C13orf46: variants seen among roughly 807,000 people sequenced by gnomAD.
C13orf46 encodes the protein chromosome 13 open reading frame 46.
intron 6 of C13orf46, among the ~76,000 whole-genome samples, chr13:113,957,814 CT>C (rs2052552370): frequency 7.0e-6 from 1 of 142,438 alleles, no homozygotes. Context: ...ATCAAGCACA[CT>C]GGTGGGTCTC....
At chr13:113,970,813 GAC>G (rs1219940536) in intron 1 of C13orf46, among the ~76,000 whole-genome samples, 4 of 152,180 alleles carry the variant, frequency 2.6e-5, no homozygotes, top group Admixed American at 2.0e-4. Flanking sequence ...ACCTTGATGT[GAC>G]AGAGGACAGG....
chr13:113,971,079 T>C (rs1171462964), intron 1 of C13orf46, among the ~76,000 whole-genome samples: 2 of 152,214 alleles, frequency 1.3e-5, no homozygotes, highest in Non-Finnish European at 2.9e-5. Flanking sequence ...CCCTAGGTGC[T>C]CAGGAGAGCC....
the C13orf46 span, among the ~76,000 whole-genome samples, chr13:113,933,814 C>T: frequency 4.6e-5 from 7 of 152,194 alleles, no homozygotes; most frequent in South Asian, 2.1e-4. Flanking sequence ...TCCTCAGCTT[C>T]CTACAATGCA....
At chr13:113,973,652 CGTT>C (rs2052732835) in intron 1 of C13orf46, among the ~76,000 whole-genome samples, 153 bp downstream of exon 1, 1 of 152,224 alleles carries the variant, frequency 6.6e-6, no homozygotes, top group Admixed American at 6.5e-5. Context: ...GGACACACGT[CGTT>C]GGACCTCCTG....
At chr13:113,929,693 C>T in the C13orf46 span, among the ~76,000 whole-genome samples, 1 of 152,172 alleles carries the variant, frequency 6.6e-6, no homozygotes, top group African/African-American at 2.4e-5. Context: ...CCTGGGTGAC[C>T]CGCTGTGCCA....
the C13orf46 span, among the ~76,000 whole-genome samples, chr13:113,941,495 C>T: frequency 6.6e-6 from 1 of 150,472 alleles, no homozygotes; most frequent in South Asian, 2.1e-4. Flanking sequence ...TGAGGCTGAG[C>T]GTTCGAGACC....
chr13:113,972,417 C>A (rs548331161), intron 1 of C13orf46, among the ~76,000 whole-genome samples: 26 of 152,296 alleles, frequency 1.7e-4, no homozygotes, highest in African/African-American at 5.3e-4. Flanking sequence ...GCAAGCAAAC[C>A]CCGAGTCCTA....
intron 6 of C13orf46, among the ~76,000 whole-genome samples, chr13:113,957,928 C>T (rs2052554086): frequency 7.0e-6 from 1 of 142,882 alleles, no homozygotes; most frequent in Non-Finnish European, 1.5e-5. Flanking sequence ...CTCCCCTGCA[C>T]TCTGTATGCA....
chr13:113,936,759 T>G, the C13orf46 span, among the ~76,000 whole-genome samples: 2 of 151,918 alleles, frequency 1.3e-5, no homozygotes, highest in African/African-American at 2.4e-5. Flanking sequence ...AAATGGTCCT[T>G]GTGCCCCGAG....
At chr13:113,945,671 A>G in the C13orf46 span, among the ~76,000 whole-genome samples, 1 of 134,190 alleles carries the variant, frequency 7.5e-6, no homozygotes, top group East Asian at 2.2e-4. Flanking sequence ...AAAGAAAGAA[A>G]GGAAAGAAAA....
At chr13:113,971,262 A>G (rs902927011) in intron 1 of C13orf46, among the ~76,000 whole-genome samples, 1 of 152,238 alleles carries the variant, frequency 6.6e-6, no homozygotes, top group Admixed American at 6.5e-5. Flanking sequence ...TTGTGATGGA[A>G]GAGACCAGAC....
At chr13:113,938,244 A>G in the C13orf46 span, among the ~76,000 whole-genome samples, 1 of 152,224 alleles carries the variant, frequency 6.6e-6, no homozygotes, top group Non-Finnish European at 1.5e-5. Flanking sequence ...TAGTGAGTCT[A>G]TGAGGTTCCT....
chr13:113,945,213 G>C, the C13orf46 span, among the ~76,000 whole-genome samples: 1 of 152,150 alleles, frequency 6.6e-6, no homozygotes. Flanking sequence ...ATCTTCCCGG[G>C]AACAGCAGGC....
the C13orf46 span, among the ~76,000 whole-genome samples, chr13:113,931,487 C>T: frequency 6.6e-6 from 1 of 152,208 alleles, no homozygotes; most frequent in Non-Finnish European, 1.5e-5. Context: ...ACACCCCTCC[C>T]TTGGCGGGGA....
At chr13:113,951,018 C>G (rs1250548211), downstream of C13orf46, among the ~76,000 whole-genome samples, 1 of 152,222 alleles carries the variant, frequency 6.6e-6, no homozygotes, top group African/African-American at 2.4e-5. Flanking sequence ...GGGAAGGACA[C>G]AGGGGAATTT....
At chr13:113,967,860 G>T (rs2052665454) in intron 4 of C13orf46, among the ~76,000 whole-genome samples, 1 of 152,216 alleles carries the variant, frequency 6.6e-6, no homozygotes, top group African/African-American at 2.4e-5. Flanking sequence ...CCCGGGATGT[G>T]AACGGCTTCA....
the C13orf46 span, among the ~76,000 whole-genome samples, chr13:113,934,991 G>T: frequency 6.6e-6 from 1 of 152,246 alleles, no homozygotes. Flanking sequence ...AAATATTTTT[G>T]AGGAAATCCT....
the C13orf46 span, among the ~76,000 whole-genome samples, chr13:113,946,097 C>G: frequency 0.024 from 3,182 of 134,846 alleles, 113 homozygotes; most frequent in African/African-American, 0.076. Flanking sequence ...GGCGTTCTTG[C>G]TGACACATTT....
At chr13:113,945,494 G>A in the C13orf46 span, among the ~76,000 whole-genome samples, 6 of 151,122 alleles carry the variant, frequency 4.0e-5, no homozygotes, top group South Asian at 4.2e-4. Context: ...GCAGTGAGCC[G>A]AGACTGCGCC....
Sources: allele counts gnomAD v4.1 joint callset (sites outside exome capture counted in the v4.1 genomes callset), GRCh38; gene constraint gnomAD v4.1.1; transcripts MANE v1.5; gene names NCBI Gene and HGNC (gene_info 2026-07-23, HGNC 2026-07-21).